Variants in PTK2B observed in about 807,000 individuals in gnomAD.
The protein encoded by PTK2B is protein-tyrosine kinase 2-beta.
Under a neutral mutation model 142.9 loss-of-function variants are expected in PTK2B, and 71 were observed. The ratio of observed to expected loss-of-function variants is 0.50; its 90% CI spans 0.41 to 0.61. PTK2B has a LOEUF of 0.61. Ranked by LOEUF, PTK2B falls within the 20% of genes least tolerant of loss-of-function variation. The pLI, the probability that PTK2B is intolerant of heterozygous loss-of-function variation, is 0.00. For missense variants in PTK2B, 1,105 were observed against 1,320.4 expected, an observed-to-expected ratio of 0.84 and a Z score of 2.53; for synonymous variants, 519 against 503.4, an observed-to-expected ratio of 1.03 and a Z score of -0.42.
At chr8:27,350,355 G>A (rs1456807224) in intron 1 of PTK2B, among the ~76,000 whole-genome samples, 1 of 136,094 alleles carries the variant, frequency 7.3e-6, no homozygotes, top group Admixed American at 7.5e-5. Context: ...AGAGACATTT[G>A]CATTCTCTTC....
intron 1 of PTK2B, among the ~76,000 whole-genome samples, chr8:27,378,298 A>C (rs1003612602): frequency 6.6e-6 from 1 of 152,238 alleles, no homozygotes; most frequent in African/African-American, 2.4e-5. Context: ...CCCAGACCTT[A>C]AGGAATCTTG....
intron 1 of PTK2B, among the ~76,000 whole-genome samples, chr8:27,389,163 A>G (rs924482653): frequency 6.6e-6 from 1 of 152,080 alleles, no homozygotes; most frequent in African/African-American, 2.4e-5. Flanking sequence ...TTACTGGATT[A>G]TGATCTAATA....
At chr8:27,387,567 C>T (rs746854117) in intron 1 of PTK2B, among the ~76,000 whole-genome samples, 1 of 152,158 alleles carries the variant, frequency 6.6e-6, no homozygotes, top group African/African-American at 2.4e-5. Flanking sequence ...TGTTGAATGC[C>T]CTTGCCCTAG....
chr8:27,429,711 A>T (rs1314304120), intron 5 of PTK2B, among the ~76,000 whole-genome samples: 1 of 152,196 alleles, frequency 6.6e-6, no homozygotes, highest in Admixed American at 6.5e-5. Context: ...AATAAGTGAA[A>T]AGGAAATCAC....
chr8:27,404,514 A>G (rs888536063), intron 2 of PTK2B, among the ~76,000 whole-genome samples: 11 of 152,084 alleles, frequency 7.2e-5, no homozygotes, highest in African/African-American at 2.7e-4. Context: ...CCCAGTCTGG[A>G]TGCATCCCTC....
chr8:27,353,822 G>A (rs1586145540), intron 1 of PTK2B, among the ~76,000 whole-genome samples: 2 of 152,310 alleles, frequency 1.3e-5, no homozygotes, highest in South Asian at 4.1e-4. Context: ...GGGACAAAGA[G>A]CCTCAGCAGA....
intron 2 of PTK2B, among the ~76,000 whole-genome samples, chr8:27,409,392 A>C (rs1808918336): frequency 6.6e-6 from 1 of 152,124 alleles, no homozygotes; most frequent in East Asian, 1.9e-4. Context: ...AGGAAAGGAC[A>C]AGGGGGAGAG....
chr8:27,339,184 A>G (rs2129954460), intron 1 of PTK2B, among the ~76,000 whole-genome samples: 1 of 152,336 alleles, frequency 6.6e-6, no homozygotes, highest in South Asian at 2.1e-4. Flanking sequence ...AAGTGATGTG[A>G]TTGCAGGCCT....
chr8:27,422,864 T>C (rs1809849581), intron 5 of PTK2B, among the ~76,000 whole-genome samples: 1 of 152,158 alleles, frequency 6.6e-6, no homozygotes, highest in African/African-American at 2.4e-5. Flanking sequence ...GTGACAGATG[T>C]GTATACAATT....
At chr8:27,333,386 C>T (rs73565951) in intron 1 of PTK2B, among the ~76,000 whole-genome samples, 4,298 of 152,064 alleles carry the variant, frequency 0.028, 207 homozygotes, top group African/African-American at 0.098. Context: ...GGTGGAGGTG[C>T]GAGGGTCAGA....
chr8:27,437,280 G>A, intron 16 of PTK2B, 74 bp downstream of exon 16: 1 of 1,552,772 alleles, frequency 6.4e-7, no homozygotes. Context: ...GGTGAACAGT[G>A]CAGGGACCCA....
intron 1 of PTK2B, among the ~76,000 whole-genome samples, chr8:27,384,072 A>G (rs1205294994): frequency 6.7e-6 from 1 of 149,084 alleles, no homozygotes; most frequent in Non-Finnish European, 1.5e-5. Context: ...CTGATCTCGA[A>G]CTCCCGACCT....
At chr8:27,423,507 G>A (rs1809888566) in intron 5 of PTK2B, among the ~76,000 whole-genome samples, 1 of 152,162 alleles carries the variant, frequency 6.6e-6, no homozygotes, top group African/African-American at 2.4e-5. Context: ...CAGCCCCCCA[G>A]GTGACTTGAA....
At chr8:27,340,133 A>G (rs1804309557) in intron 1 of PTK2B, among the ~76,000 whole-genome samples, 1 of 152,250 alleles carries the variant, frequency 6.6e-6, no homozygotes, top group African/African-American at 2.4e-5. Context: ...TGGGCCAGGT[A>G]CCATGCAAGG....
At chr8:27,397,888 A>C in intron 2 of PTK2B, 100 bp downstream of exon 2, 2 of 1,362,082 alleles carry the variant, frequency 1.5e-6, no homozygotes, top group Non-Finnish European at 1.0e-6. Flanking sequence ...TCCCATATCC[A>C]CCCCTGGGTG....
chr8:27,376,149 G>T (rs184494986), intron 1 of PTK2B, among the ~76,000 whole-genome samples: 10 of 152,310 alleles, frequency 6.6e-5, no homozygotes, highest in Non-Finnish European at 1.5e-4. Context: ...GCCCATTCAG[G>T]TCTAAAGTCC....
intron 1 of PTK2B, among the ~76,000 whole-genome samples, chr8:27,388,091 A>C (rs1807482250): frequency 6.6e-6 from 1 of 152,244 alleles, no homozygotes; most frequent in African/African-American, 2.4e-5. Context: ...TTTGATTAGC[A>C]GTCTTTAGAA....
At chr8:27,381,615 G>A (rs1241966992) in intron 1 of PTK2B, among the ~76,000 whole-genome samples, 7 of 152,178 alleles carry the variant, frequency 4.6e-5, no homozygotes, top group Non-Finnish European at 8.8e-5. Flanking sequence ...CAATGTGGAC[G>A]TGCAGATATC....
chr8:27,349,205 A>G (rs1586134446), intron 1 of PTK2B, among the ~76,000 whole-genome samples: 4 of 152,342 alleles, frequency 2.6e-5, no homozygotes, highest in Admixed American at 2.6e-4. Flanking sequence ...CAGAGAGTCT[A>G]GAGTCTAAAA....
Sources: gnomAD v4.1 joint callset for allele counts (sites outside exome capture counted in the v4.1 genomes callset) on GRCh38, gnomAD v4.1.1 for gene constraint, MANE v1.5 for transcripts, NCBI Gene and HGNC (gene_info 2026-07-23, HGNC 2026-07-21) for gene names.